Variants in SMIM14 observed in about 807,000 individuals in gnomAD.
The protein encoded by SMIM14 is small integral membrane protein 14.
A neutral mutation model predicts 12.6 loss-of-function variants in SMIM14; 5 were observed. That is an observed-to-expected ratio of 0.40 (90% CI 0.21 to 0.83). The LOEUF is 0.83. Ranked by LOEUF, SMIM14 falls within the 40% of genes least tolerant of loss-of-function variation. SMIM14 has a pLI of 0.37. For missense variants in SMIM14, 86 were observed against 119.1 expected (o/e 0.72, Z 1.29); for synonymous variants, 30 against 40.1 (o/e 0.75, Z 0.95).
chr4:39,624,802 C>G (rs1715626599), intron 1 of SMIM14, among the ~76,000 whole-genome samples: 1 of 111,682 alleles, frequency 9.0e-6, no homozygotes, highest in South Asian at 3.3e-4. Flanking sequence ...GACAACAGAG[C>G]AAGACACCAT....
At chr4:39,610,536 T>A (rs1008940363) in intron 1 of SMIM14, among the ~76,000 whole-genome samples, 1 of 151,606 alleles carries the variant, frequency 6.6e-6, no homozygotes. Context: ...CACACAAAAA[T>A]TTTTTTTAAT....
chr4:39,583,322 T>C (rs1384116200), intron 2 of SMIM14, among the ~76,000 whole-genome samples: 1 of 152,058 alleles, frequency 6.6e-6, no homozygotes, highest in Non-Finnish European at 1.5e-5. Flanking sequence ...GGTCTCAAAC[T>C]CCTGGGCTCA....
At chr4:39,563,213 T>A (rs6826323) in intron 3 of SMIM14, among the ~76,000 whole-genome samples, 21,093 of 151,880 alleles carry the variant, frequency 0.14, 3,494 homozygotes, top group African/African-American at 0.4. Context: ...GGTGCTCGCC[T>A]CCACACCCGG....
chr4:39,554,858 G>A (rs1447977764), intron 4 of SMIM14, among the ~76,000 whole-genome samples: 10 of 129,478 alleles, frequency 7.7e-5, no homozygotes, highest in African/African-American at 2.9e-4. Context: ...TTTTTGAGAC[G>A]AAGTTTCACT....
At chr4:39,630,840 G>C (rs1269296057) in intron 1 of SMIM14, among the ~76,000 whole-genome samples, 1 of 146,928 alleles carries the variant, frequency 6.8e-6, no homozygotes, top group Non-Finnish European at 1.5e-5. Context: ...CTGCACTCCA[G>C]CATGGGCAAC....
intron 1 of SMIM14, among the ~76,000 whole-genome samples, chr4:39,629,060 C>G (rs149781430): frequency 0.018 from 2,687 of 150,960 alleles, 104 homozygotes; most frequent in African/African-American, 0.06. Context: ...AAATCAGAAA[C>G]AGAAAAATTT....
Position 39,619,876 on chromosome 4 carries a change from ATTTTT to A in SMIM14, c.-35-14701_-35-14697del, listed in dbSNP as rs368919092. ...TATATATATTTATATATATATATAT[ATTTTT>A]TTTTTTTTAAGAGCAAGATAGGGAC... On this transcript the variant is annotated intron_variant, in intron 1 of 4. Transcript: ENST00000295958. Among the ~76,000 whole-genome samples the A allele has an allele frequency of 1.1e-4, 13 of 115,850 alleles. No homozygotes were observed. In the South Asian group the frequency reaches 3.3e-3, roughly 30 times the overall value. 76.0% of individuals were successfully genotyped at this position (115,850 alleles called of 152,430 possible). A position where few individuals can be genotyped will look rare whatever the true frequency, so the allele number is the denominator to read the frequency against.
At chr4:39,596,373 G>C (rs760812400) in intron 2 of SMIM14, among the ~76,000 whole-genome samples, 1 of 152,172 alleles carries the variant, frequency 6.6e-6, no homozygotes, top group Non-Finnish European at 1.5e-5. Flanking sequence ...GGGATTACAG[G>C]CGTGAGCCAC....
chr4:39,581,827 T>G (rs1713513797), intron 2 of SMIM14, among the ~76,000 whole-genome samples: 1 of 151,870 alleles, frequency 6.6e-6, no homozygotes, highest in African/African-American at 2.4e-5. Flanking sequence ...CCTTCCAAAG[T>G]GCTGGGATTA....
Position 39,614,185 on chromosome 4 carries a change from C to CAA in SMIM14, c.-35-9007_-35-9006dup, listed in dbSNP as rs60332502. On this transcript the variant is annotated intron_variant, in intron 1 of 4. Coordinates refer to ENST00000295958, the MANE Select transcript of SMIM14 (RefSeq NM_174921.3). ...GGGCAACAAGAGCGAAACTCCATTA[C>CAA]AAAAAAAAAAAAAAAAAAGAAAATT... Among the ~76,000 whole-genome samples, 341 of 102,226 alleles carry CAA rather than the reference C, an allele frequency of 3.3e-3. 3 individuals carry two copies. The highest frequency in any genetic ancestry group is 0.01 in the African/African-American group (325 of 31,286). 67.1% of individuals were successfully genotyped at this position (102,226 alleles called of 152,430 possible). A position where few individuals can be genotyped will look rare whatever the true frequency, so the allele number is the denominator to read the frequency against.
chr4:39,556,246 A>G (rs1462899180), intron 4 of SMIM14, among the ~76,000 whole-genome samples, 182 bp downstream of exon 4: 2 of 152,206 alleles, frequency 1.3e-5, no homozygotes, highest in Non-Finnish European at 2.9e-5. Flanking sequence ...TAACTCCATA[A>G]AGATTAAGCT....
intron 4 of SMIM14, among the ~76,000 whole-genome samples, chr4:39,555,892 A>C (rs1711986652): frequency 1.3e-5 from 2 of 152,182 alleles, no homozygotes; most frequent in South Asian, 4.1e-4. Flanking sequence ...TGGGTAGTGG[A>C]GGATTGAGAC....
intron 1 of SMIM14, among the ~76,000 whole-genome samples, chr4:39,608,558 A>C (rs1382984289): frequency 6.6e-6 from 1 of 152,272 alleles, no homozygotes; most frequent in African/African-American, 2.4e-5. Context: ...ATAATATGCT[A>C]TGATTCCATT....
intron 2 of SMIM14, among the ~76,000 whole-genome samples, chr4:39,592,184 C>A (rs943183246): frequency 2.6e-5 from 4 of 151,888 alleles, no homozygotes; most frequent in African/African-American, 4.8e-5. Context: ...TACAATGAGA[C>A]CCTGTCTCTT....
At chr4:39,611,508 A>G (rs1715033018) in intron 1 of SMIM14, among the ~76,000 whole-genome samples, 2 of 151,408 alleles carry the variant, frequency 1.3e-5, no homozygotes, top group South Asian at 4.2e-4. Flanking sequence ...TCCATCTCAA[A>G]AAAAAAAAAA....
intron 1 of SMIM14, among the ~76,000 whole-genome samples, chr4:39,609,535 G>A (rs922050077): frequency 6.6e-6 from 1 of 152,106 alleles, no homozygotes; most frequent in Non-Finnish European, 1.5e-5. Context: ...GAAGTACAAA[G>A]GTCCTTTATG....
intron 2 of SMIM14, among the ~76,000 whole-genome samples, chr4:39,574,246 T>C (rs1713048450): frequency 6.7e-6 from 1 of 148,698 alleles, no homozygotes; most frequent in African/African-American, 2.6e-5. Context: ...TCTTTTTTTT[T>C]TTTTTTTTTT....
intron 2 of SMIM14, chr4:39,587,946 A>AGGTT (rs1162225992): frequency 2.0e-5 from 3 of 152,372 alleles, no homozygotes; most frequent in Non-Finnish European, 4.4e-5. Flanking sequence ...CCTTGGAACC[A>AGGTT]GGCCACCATT....
At chr4:39,615,098 T>G (rs888907642) in intron 1 of SMIM14, among the ~76,000 whole-genome samples, 1 of 145,014 alleles carries the variant, frequency 6.9e-6, no homozygotes, top group African/African-American at 2.8e-5. Flanking sequence ...TCTAAAATGT[T>G]TTTTTTTTAA....
Sources: allele counts gnomAD v4.1 joint callset (sites outside exome capture counted in the v4.1 genomes callset), GRCh38; gene constraint gnomAD v4.1.1; transcripts MANE v1.5; gene names NCBI Gene and HGNC (gene_info 2026-07-23, HGNC 2026-07-21).